GRIP2: variants seen among roughly 807,000 people sequenced by gnomAD.
GRIP2 encodes glutamate receptor interacting protein 2.
A neutral mutation model predicts 108.3 loss-of-function variants in GRIP2; 58 were observed. That is an observed-to-expected ratio of 0.54 (90% CI 0.43 to 0.67). The LOEUF is 0.67. Ranked by LOEUF, GRIP2 falls within the 30% of genes least tolerant of loss-of-function variation. The probability of loss-of-function intolerance (pLI) is 0.00; values close to 1 mark genes in which losing one functional copy is unlikely to be tolerated. For synonymous variants in GRIP2, 586 were observed against 598.2 expected, an observed-to-expected ratio of 0.98 and a Z score of 0.30; for missense variants, 1,278 against 1,430.6, an observed-to-expected ratio of 0.89 and a Z score of 1.72.
chr3:14,504,969 A>T (rs1290895026), intron 20 of GRIP2, among the ~76,000 whole-genome samples: 2 of 152,282 alleles, frequency 1.3e-5, no homozygotes, highest in African/African-American at 4.8e-5. Context: ...GACTTGTAGG[A>T]GCAGCTGTGG....
intron 1 of GRIP2, among the ~76,000 whole-genome samples, chr3:14,527,850 C>T (rs1259500619): frequency 6.6e-6 from 1 of 151,902 alleles, no homozygotes; most frequent in Non-Finnish European, 1.5e-5. Flanking sequence ...GAGTCAAGAC[C>T]GTGCCACATC....
chr3:14,573,879 G>T, the GRIP2 span: 3 of 1,268,394 alleles, frequency 2.4e-6, no homozygotes, highest in African/African-American at 2.9e-5. Flanking sequence ...CTCCTCCGAG[G>T]TCTGCAGGCA....
At position 14,505,623 on chromosome 3, in the gene GRIP2, C is replaced by T. The variant is rs377452768; in HGVS notation, c.2565G>A (p.Pro855=). The T allele has an allele frequency of 6.5e-5, 105 of 1,609,566 alleles. No individual in the cohort carries two copies. Among genetic ancestry groups the T allele is most frequent in the Non-Finnish European group, 8.1e-5 (96 of 1,178,052 alleles). ...PEEEEEDDWE[P]PTSPAPGPAR... ...GTGCTCCCACCACAGACCTCGTTGG[C>T]GGCTCCCAATCATCCTCCTCCTCCT... The change falls in exon 20 of 24, where the codon CCG becomes CCA. Residue 855 remains proline (P), a synonymous_variant. Transcript: ENST00000621039. This position sits in a 1 kb window ranked among gnomAD's most constrained non-coding sequence, Gnocchi z 4.2.
intron 12 of GRIP2, among the ~76,000 whole-genome samples, 170 bp from the exon 13 acceptor site, chr3:14,513,980 A>C (rs1694174615): frequency 6.6e-6 from 1 of 152,172 alleles, no homozygotes; most frequent in South Asian, 2.1e-4. Context: ...TAAGGGCTGG[A>C]CCTTGCTGGA....
Position 14,520,554 on chromosome 3 carries a change from A to G in GRIP2, c.713-17T>C, listed in dbSNP as rs762872700. On this transcript the variant is annotated splice_polypyrimidine_tract_variant and intron_variant, in intron 7 of 23. Coordinates refer to ENST00000621039, the MANE Select transcript of GRIP2 (RefSeq NM_001080423.4). ...CCACCGTGTCTGGCATGACGGAGAA[A>G]AAAAGTTTGAAATGCAAATACCGAG... 3.1e-6 allele frequency: 5 copies of G among 1,613,146 alleles called. No individual in the cohort carries two copies. The African/African-American group carries it at 4.0e-5, about 13-fold the overall frequency.
the GRIP2 span, among the ~76,000 whole-genome samples, chr3:14,587,115 C>T: frequency 3.3e-5 from 5 of 152,146 alleles, no homozygotes; most frequent in Admixed American, 6.5e-5. Context: ...AGTCATTTCA[C>T]TTAAGAGGAT....
At chr3:14,499,534 G>C (rs1693709143) in intron 21 of GRIP2, among the ~76,000 whole-genome samples, 1 of 151,628 alleles carries the variant, frequency 6.6e-6, no homozygotes, top group South Asian at 2.1e-4. Context: ...TGGGCAACAT[G>C]GTGAAACCCT....
chr3:14,524,438 C>G lies in GRIP2; in HGVS notation c.358G>C (p.Gly120Arg). 6.2e-7 allele frequency: 1 copy of G among 1,606,862 alleles called. No individual in the cohort carries two copies. The highest frequency in any genetic ancestry group is 8.5e-7 in the Non-Finnish European group (1 of 1,176,980). Residue 120 changes from glycine (G) to arginine (R), a missense_variant, in exon 4 of 24, where the codon GGC (glycine) becomes CGC (arginine). Transcript: ENST00000621039. ...TCCACCTCCAGCACCACGCGCTCGC[C>G]CACATTCTTGAGCAGGGTGATGATC... ...DEIITLLKNV[G>R]ERVVLEVEYE...
chr3:14,549,395 A>G (rs1362811924), intron 1 of GRIP2, among the ~76,000 whole-genome samples: 2 of 152,150 alleles, frequency 1.3e-5, no homozygotes, highest in Non-Finnish European at 2.9e-5. Flanking sequence ...GGCTCCCCCT[A>G]GTCCCACACC....
intron 19 of GRIP2, 128 bp downstream of exon 19, chr3:14,506,673 G>T: frequency 2.3e-6 from 2 of 855,980 alleles, no homozygotes; most frequent in East Asian, 2.9e-5. Context: ...TTCAGGAAGG[G>T]CCCCTAAAGG....
the GRIP2 span, among the ~76,000 whole-genome samples, chr3:14,587,207 A>G: frequency 6.6e-6 from 1 of 152,226 alleles, no homozygotes; most frequent in East Asian, 1.9e-4. Context: ...CTGCATGGCA[A>G]TGTCTTTGTT....
At chr3:14,573,118 TC>T in the GRIP2 span, 1 of 1,434,782 alleles carries the variant, frequency 7.0e-7, no homozygotes, top group Non-Finnish European at 9.8e-7. Flanking sequence ...AAGTTGTCGA[TC>T]CAGGGCAGCA....
chr3:14,495,079 G>A (rs1289308895), intron 22 of GRIP2, 90 bp from the exon 23 acceptor site: 1 of 1,517,666 alleles, frequency 6.6e-7, no homozygotes, highest in African/African-American at 1.4e-5. Context: ...CTGGCATTCA[G>A]CGCCTCTGGC....
the GRIP2 span, among the ~76,000 whole-genome samples, chr3:14,592,978 C>T: frequency 6.6e-6 from 1 of 152,340 alleles, no homozygotes; most frequent in African/African-American, 2.4e-5. Context: ...CACAATGCTG[C>T]CACCATCTAA....
chr3:14,575,177 C>T, the GRIP2 span, among the ~76,000 whole-genome samples: 4 of 152,118 alleles, frequency 2.6e-5, no homozygotes, highest in South Asian at 2.1e-4. Flanking sequence ...ACTCTCTACG[C>T]GGCACCTCTA....
upstream of GRIP2, chr3:14,541,979 C>CCCTGAG: frequency 7.4e-7 from 1 of 1,352,104 alleles, no homozygotes; most frequent in Non-Finnish European, 9.9e-7. Context: ...TTAGCTTCAA[C>CCCTGAG]CACGCGGGAA....
At chr3:14,578,752 T>A in the GRIP2 span, among the ~76,000 whole-genome samples, 33 of 149,192 alleles carry the variant, frequency 2.2e-4, no homozygotes, top group African/African-American at 7.1e-4. Context: ...AAGGAATGGG[T>A]TTTTTCTCCC....
At chr3:14,577,944 C>T in the GRIP2 span, among the ~76,000 whole-genome samples, 1 of 152,248 alleles carries the variant, frequency 6.6e-6, no homozygotes, top group African/African-American at 2.4e-5. Context: ...GTGGCCTCAT[C>T]CTCGCCCAGG....
chr3:14,500,314 A>C (rs1292523071), intron 21 of GRIP2, among the ~76,000 whole-genome samples: 1 of 152,226 alleles, frequency 6.6e-6, no homozygotes, highest in Non-Finnish European at 1.5e-5. Context: ...AGACAATAAG[A>C]AGGAGGCAAT....
Sources: allele counts gnomAD v4.1 joint callset (sites outside exome capture counted in the v4.1 genomes callset), GRCh38; gene constraint gnomAD v4.1.1; non-coding constraint Gnocchi (gnomAD v3.1); transcripts MANE v1.5; gene names NCBI Gene and HGNC (gene_info 2026-07-23, HGNC 2026-07-21).